Variants in MAN1C1 observed in about 807,000 individuals in gnomAD.
The protein encoded by MAN1C1 is mannosidase alpha class 1C member 1, also known as mannosyl-oligosaccharide 1,2-alpha-mannosidase IC.
In MAN1C1, 49 loss-of-function variants were observed where a neutral mutation model predicts 71.5. That is an observed-to-expected ratio of 0.69 (90% CI 0.54 to 0.87). MAN1C1 has a LOEUF of 0.87. Among genes scored for constraint, MAN1C1 ranks in the 40% least tolerant of loss-of-function variants. MAN1C1 has a pLI of 0.00. For synonymous variants in MAN1C1, 352 were observed against 343.7 expected (o/e 1.02, Z -0.27); for missense variants, 743 against 835.0 (o/e 0.89, Z 1.36).
intron 2 of MAN1C1, among the ~76,000 whole-genome samples, chr1:25,695,127 C>G (rs887394299): frequency 6.6e-6 from 1 of 152,062 alleles, no homozygotes. Flanking sequence ...CCTGGAAACT[C>G]AGTGTTGGGC....
In MAN1C1 at chr1:25,746,683, C is replaced by T. The variant is rs1445804370; in HGVS notation, c.653C>T (p.Ala218Val). ...EGNMFGGLSG[A>V]TVIDSLDTLY... ...GTGCCTGCAGGAGGCCTCAGCGGGGCAACAGTCATTGACTCCCTCGATACC... is the reference window on the plus strand; with the variant it reads ...GTGCCTGCAGGAGGCCTCAGCGGGGTAACAGTCATTGACTCCCTCGATACC... Residue 218 changes from alanine to valine, a missense_variant, in exon 3 of 12, where the codon GCA becomes GTA. By Grantham distance (64) the Ala-to-Val change is moderately conservative. Transcript: ENST00000374332. This position sits in a 1 kb window ranked among gnomAD's most constrained non-coding sequence, Gnocchi z 4.0. 1 of 1,613,736 alleles carries T rather than the reference C, an allele frequency of 6.2e-7. No individual in the cohort carries two copies. Among genetic ancestry groups the T allele is most frequent in the Admixed American group, 1.7e-5 (1 of 60,012 alleles).
chr1:25,637,649 G>C (rs1006559888), intron 1 of MAN1C1, among the ~76,000 whole-genome samples: 2 of 150,762 alleles, frequency 1.3e-5, no homozygotes, highest in Non-Finnish European at 3.0e-5. Context: ...AAAAAATATT[G>C]CTTTCCAACT....
chr1:25,633,649 A>ATATGAATC (rs1326175669), intron 1 of MAN1C1, among the ~76,000 whole-genome samples: 1 of 148,616 alleles, frequency 6.7e-6, no homozygotes, highest in Non-Finnish European at 1.5e-5. Flanking sequence ...CCACCCCTTT[A>ATATGAATC]CTTTGAGTTT....
In MAN1C1 at chr1:25,778,039, CT is replaced by C; in HGVS notation, c.1258-63del. The C allele has an allele frequency of 8.0e-7, 1 of 1,245,840 alleles. No individual in the cohort carries two copies. Among genetic ancestry groups the C allele is most frequent in the African/African-American group, 1.5e-5 (1 of 66,496 alleles). 77.2% of individuals were successfully genotyped at this position (1,245,840 alleles called of 1,614,324 possible). On this transcript the variant is annotated intron_variant, in intron 8 of 11. Transcript: ENST00000374332. This position sits in a 1 kb window ranked among gnomAD's most constrained non-coding sequence, Gnocchi z 5.5. ...GTCTCCAAAATGTTCATTTTCCATC[CT>C]TTCCCCCCCTTCTCTGTGCCCTCCC...
intron 1 of MAN1C1, among the ~76,000 whole-genome samples, chr1:25,632,865 A>ATTT (rs33924292): frequency 4.4e-5 from 5 of 113,092 alleles, no homozygotes; most frequent in Non-Finnish European, 8.8e-5. Context: ...TACAATTTTG[A>ATTT]TTTTTTTTTT....
rs1363822795 is a variant in MAN1C1, at chr1:25,712,444, G to A, written c.637+25908G>A. ...AGCCCCAGCCTAGCAGAAGAAGTGA[G>A]TGAGCACATAGGCTCATGCTGGTAA... On this transcript the variant is annotated intron_variant, in intron 2 of 11. Transcript: ENST00000374332. Among the ~76,000 whole-genome samples the A allele has an allele frequency of 2.0e-5, 3 of 152,244 alleles. No individual in the cohort carries two copies. The East Asian group carries it at 5.8e-4, about 29-fold the overall frequency.
chr1:25,751,620 C>G (rs1321648153), intron 4 of MAN1C1, among the ~76,000 whole-genome samples: 2 of 152,232 alleles, frequency 1.3e-5, no homozygotes, highest in African/African-American at 2.4e-5. Context: ...TGCCCTCTGG[C>G]CACACCTTCC....
At chr1:25,689,687 C>T (rs556183500) in intron 2 of MAN1C1, among the ~76,000 whole-genome samples, 18 of 152,286 alleles carry the variant, frequency 1.2e-4, no homozygotes, top group Non-Finnish European at 2.2e-4. Context: ...TTTCTGGACT[C>T]ATGGGGGCTG....
chr1:25,781,125 C>T lies in MAN1C1; in HGVS notation c.1650+13C>T. The T allele has an allele frequency of 6.2e-7, 1 of 1,612,676 alleles. No individual in the cohort carries two copies. The highest frequency in any genetic ancestry group is 8.5e-7 in the Non-Finnish European group (1 of 1,179,220). On this transcript the variant is annotated intron_variant, in intron 10 of 11. Coordinates refer to ENST00000374332, the MANE Select transcript of MAN1C1 (RefSeq NM_020379.4). ...GGAGGTGGTGCTGGTGAGTGGGCCCCAGGGATGGGCAGCAAGGTGCTAGAT... is the reference window on the plus strand; with the variant it reads ...GGAGGTGGTGCTGGTGAGTGGGCCCTAGGGATGGGCAGCAAGGTGCTAGAT...
At chr1:25,665,057 C>T (rs559324851) in intron 1 of MAN1C1, among the ~76,000 whole-genome samples, 2 of 152,312 alleles carry the variant, frequency 1.3e-5, no homozygotes, top group South Asian at 2.1e-4. Flanking sequence ...CCCTCCATTC[C>T]CACAAAGGTG....
At chr1:25,754,087 A>G (rs1345614473) in intron 5 of MAN1C1, among the ~76,000 whole-genome samples, 2 of 152,156 alleles carry the variant, frequency 1.3e-5, no homozygotes, top group African/African-American at 4.8e-5. Flanking sequence ...ACAGGAGCCT[A>G]GCTCTCAAGG....
intron 1 of MAN1C1, among the ~76,000 whole-genome samples, chr1:25,684,072 TTC>T (rs1427506005): frequency 6.6e-6 from 1 of 152,082 alleles, no homozygotes; most frequent in Non-Finnish European, 1.5e-5. Context: ...GAACACCCAC[TTC>T]TCTCTCTCTA....
chr1:25,773,161 C>G (rs2047576424), intron 8 of MAN1C1, among the ~76,000 whole-genome samples: 1 of 152,108 alleles, frequency 6.6e-6, no homozygotes, highest in Admixed American at 6.5e-5. Flanking sequence ...TGGCACATAG[C>G]AGGCCCATGG....
chr1:25,633,547 T>C (rs2045414844), intron 1 of MAN1C1, among the ~76,000 whole-genome samples: 1 of 130,392 alleles, frequency 7.7e-6, no homozygotes, highest in Non-Finnish European at 1.5e-5. Flanking sequence ...TTTTTTTTTT[T>C]TTCACTGTTG....
chr1:25,626,488 A>G (rs2045296434), intron 1 of MAN1C1, among the ~76,000 whole-genome samples: 1 of 151,728 alleles, frequency 6.6e-6, no homozygotes, highest in Non-Finnish European at 1.5e-5. Flanking sequence ...CCTTCTGAGT[A>G]GCTGGGACTA....
chr1:25,734,911 G>A lies in MAN1C1; in HGVS notation c.638-11757G>A, dbSNP rs1234900073. 7.9e-5 allele frequency among the ~76,000 whole-genome samples: 12 copies of A among 152,350 alleles called. No individual in the cohort carries two copies. In the East Asian group the frequency reaches 2.3e-3, roughly 29 times the overall value. On this transcript the variant is annotated intron_variant, in intron 2 of 11. Transcript: ENST00000374332. Reference sequence around the variant, plus strand: ...GAGGAGAAAAACCTCAGATCCACGTGGGAGAGTCAGGGATGTCTTCACGGA... The same window carrying A: ...GAGGAGAAAAACCTCAGATCCACGTAGGAGAGTCAGGGATGTCTTCACGGA...
At chr1:25,638,552 A>AT (rs1040820530) in intron 1 of MAN1C1, among the ~76,000 whole-genome samples, 9 of 151,696 alleles carry the variant, frequency 5.9e-5, no homozygotes, top group African/African-American at 9.7e-5. Flanking sequence ...CCTTCTTAAC[A>AT]TTTTTTTTGT....
At chr1:25,724,426 C>T (rs2046807144) in intron 2 of MAN1C1, among the ~76,000 whole-genome samples, 1 of 152,088 alleles carries the variant, frequency 6.6e-6, no homozygotes, top group African/African-American at 2.4e-5. Context: ...GCCAACTGAG[C>T]TCTGTTCCAC....
intron 1 of MAN1C1, among the ~76,000 whole-genome samples, chr1:25,668,001 G>T (rs961764041): frequency 6.6e-5 from 10 of 152,206 alleles, no homozygotes; most frequent in African/African-American, 2.2e-4. Flanking sequence ...GGCTAGGCCG[G>T]TCTGTTTACT....
Sources: allele counts gnomAD v4.1 joint callset (sites outside exome capture counted in the v4.1 genomes callset), GRCh38; gene constraint gnomAD v4.1.1; non-coding constraint Gnocchi (gnomAD v3.1); transcripts MANE v1.5; gene names NCBI Gene and HGNC (gene_info 2026-07-23, HGNC 2026-07-21).